The following CMYA5 variants were observed in gnomAD, a reference collection of about 807,000 sequenced individuals.
The protein encoded by CMYA5 is cardiomyopathy-associated protein 5.
In CMYA5, 246 loss-of-function variants were observed where a neutral mutation model predicts 318.9. That is an observed-to-expected ratio of 0.77 (90% CI 0.70 to 0.86). The LOEUF is 0.86. Ranked by LOEUF, CMYA5 falls within the 40% of genes least tolerant of loss-of-function variation. The pLI is 0.00. For missense variants in CMYA5, 4,589 were observed against 4,678.2 expected (o/e 0.98, Z 0.56); for synonymous variants, 1,641 against 1,729.5 (o/e 0.95, Z 1.27).
In CMYA5 at chr5:79,745,131, A is replaced by G. The variant is rs1435734855; in HGVS notation, c.10735-91A>G. On this transcript the variant is annotated intron_variant, in intron 3 of 12. Transcript: ENST00000446378. ...TCTCTGATCAGGATGCCAGAGGTCAATTCTTTAAAAGGCTGGTGTTTCCAA... is the reference window on the plus strand; with the variant it reads ...TCTCTGATCAGGATGCCAGAGGTCAGTTCTTTAAAAGGCTGGTGTTTCCAA... The G allele has an allele frequency of 1.0e-5, 8 of 794,724 alleles. No individual in the cohort carries two copies. In the East Asian group the frequency reaches 1.9e-4, roughly 19 times the overall value. 49.2% of individuals were successfully genotyped at this position (794,724 alleles called of 1,614,324 possible). A position where few individuals can be genotyped will look rare whatever the true frequency, so the allele number is the denominator to read the frequency against.
rs188029902 is a variant in CMYA5, at chr5:79,720,889, G to A, written c.150-8026G>A. 6.2e-3 allele frequency among the ~76,000 whole-genome samples: 950 copies of A among 152,300 alleles called. 3 individuals carry two copies. The highest frequency in any genetic ancestry group is 0.02 in the African/African-American group (848 of 41,536). On this transcript the variant is annotated intron_variant, in intron 1 of 12. Transcript: ENST00000446378. The stretch of plus-strand genomic sequence containing the variant: ...GAAAATGGTTCCAGATGGAATCTTA[G>A]AGATACAGGAAGGAATGAAGCACAA...
chr5:79,735,485 G>C lies in CMYA5; in HGVS notation c.6720G>C (p.Glu2240Asp). The change falls in exon 2 of 13, where the codon GAG becomes GAC. Residue 2240 changes from glutamate to aspartate, a missense_variant. Coordinates refer to ENST00000446378, the MANE Select transcript of CMYA5 (RefSeq NM_153610.5). ...AEKPADHSLS[E>D]VKLKTADEPR... ...AACCAGCTGATCATTCATTATCAGA[G>C]GTAAAACTTAAAACTGCTGATGAAC... is the stretch of plus-strand genomic sequence containing the variant. 6.2e-7 allele frequency: 1 copy of C among 1,613,718 alleles called. No individual in the cohort carries two copies. Among genetic ancestry groups the C allele is most frequent in the South Asian group, 1.1e-5 (1 of 91,058 alleles).
At position 79,699,556 on chromosome 5, in the gene CMYA5, A is replaced by AAGTAG. The variant is rs573007439; in HGVS notation, c.149+9502_149+9506dup. 3.5e-4 allele frequency among the ~76,000 whole-genome samples: 54 copies of AAGTAG among 152,312 alleles called. 1 individual carries two copies. The highest frequency in any genetic ancestry group is 2.1e-4 in the Non-Finnish European group (14 of 68,018). On this transcript the variant is annotated intron_variant, in intron 1 of 12. Coordinates refer to ENST00000446378, the MANE Select transcript of CMYA5 (RefSeq NM_153610.5). Reference sequence around the variant, plus strand: ...TTTCCTGAGAGAAGAGGACACTAGAAAGTAGAAAGAGGGAAGTGGGTGCCT... The same window carrying AAGTAG: ...TTTCCTGAGAGAAGAGGACACTAGAAAGTAGAGTAGAAAGAGGGAAGTGGGTGCCT...
chr5:79,737,650 T>G lies in CMYA5; in HGVS notation c.8885T>G (p.Ile2962Ser). Reference protein sequence around the residue: ...EILNIHAPAFISSIDQEESEQ... With the variant: ...EILNIHAPAFSSSIDQEESEQ... Reference sequence around the variant, plus strand: ...TTGAATATTCATGCTCCGGCCTTTATTTCTTCAATCGATCAGGAAGAAAGT... The same window carrying G: ...TTGAATATTCATGCTCCGGCCTTTAGTTCTTCAATCGATCAGGAAGAAAGT... Residue 2962 changes from isoleucine to serine, a missense_variant, in exon 2 of 13, where the codon ATT becomes AGT. Ile to Ser is a moderately radical substitution (Grantham distance 142, BLOSUM62 -2). Transcript: ENST00000446378. The G allele has an allele frequency of 6.2e-7, 1 of 1,613,644 alleles. No individual in the cohort carries two copies. Among genetic ancestry groups the G allele is most frequent in the Non-Finnish European group, 8.5e-7 (1 of 1,179,782 alleles).
rs751572960 is a variant in CMYA5, at chr5:79,734,133, C to T, written c.5368C>T (p.Leu1790=). 1.1e-5 allele frequency: 18 copies of T among 1,613,584 alleles called. No homozygotes were observed. In the East Asian group the frequency reaches 3.6e-4, roughly 32 times the overall value. ...AQVMGDILDK[L]SEETGHPNSS... is the part of the protein sequence containing the mutation. ...AGTCATGGGAGATATTTTAGATAAG[C>T]TAAGTGAAGAAACAGGCCACCCAAA... The change falls in exon 2 of 13, where the codon CTA becomes TTA. Residue 1790 remains leucine (L), a synonymous_variant. Transcript: ENST00000446378.
intron 1 of CMYA5, among the ~76,000 whole-genome samples, chr5:79,714,719 C>A (rs182148265): frequency 6.6e-6 from 1 of 152,132 alleles, no homozygotes; most frequent in Non-Finnish European, 1.5e-5. Flanking sequence ...GGATTACAGG[C>A]ATGAGTGACC....
chr5:79,743,652 G>A (rs2151090061), intron 2 of CMYA5, among the ~76,000 whole-genome samples, 175 bp from the exon 3 acceptor site: 1 of 152,274 alleles, frequency 6.6e-6, no homozygotes, highest in East Asian at 1.9e-4. Flanking sequence ...TTATCATACA[G>A]AATTATCTAT....
intron 5 of CMYA5, among the ~76,000 whole-genome samples, chr5:79,751,584 T>G (rs13159668): frequency 0.41 from 62,262 of 152,072 alleles, 13,559 homozygotes; most frequent in Admixed American, 0.54. Context: ...TGACCATAAA[T>G]CCACCATCAC....
intron 1 of CMYA5, among the ~76,000 whole-genome samples, chr5:79,693,493 A>T (rs1011119238): frequency 3.9e-5 from 6 of 151,966 alleles, no homozygotes; most frequent in Admixed American, 1.3e-4. Context: ...GGTGTGCATC[A>T]CCAGGCCTGG....
intron 9 of CMYA5, among the ~76,000 whole-genome samples, chr5:79,773,355 T>C (rs1828887980): frequency 6.6e-6 from 1 of 152,204 alleles, no homozygotes; most frequent in Non-Finnish European, 1.5e-5. Context: ...TAAAGAAGAA[T>C]GGATGAATTA....
chr5:79,760,332 G>T (rs978125373), intron 7 of CMYA5, among the ~76,000 whole-genome samples: 1 of 152,090 alleles, frequency 6.6e-6, no homozygotes, highest in African/African-American at 2.4e-5. Context: ...GTTTAGTAGG[G>T]TCTCTAGTCA....
chr5:79,793,366 A>G, intron 11 of CMYA5, 71 bp from the exon 12 acceptor site: 1 of 1,431,498 alleles, frequency 7.0e-7, no homozygotes, highest in South Asian at 1.3e-5. Context: ...TGAGTTTGTG[A>G]ATGTTTATGC....
At chr5:79,739,935 A>G (rs1443380714) in intron 2 of CMYA5, among the ~76,000 whole-genome samples, 1 of 152,110 alleles carries the variant, frequency 6.6e-6, no homozygotes, top group African/African-American at 2.4e-5. Context: ...GTTTGCTGAG[A>G]TCCCGCCACT....
intron 2 of CMYA5, among the ~76,000 whole-genome samples, chr5:79,742,048 C>CTCT (rs200715392): frequency 0.013 from 1,286 of 102,452 alleles, 16 homozygotes; most frequent in African/African-American, 0.017. Flanking sequence ...CCTCTTTCTC[C>CTCT]TCTTCTTCTT....
chr5:79,793,362 T>A, intron 11 of CMYA5, 75 bp from the exon 12 acceptor site: 1 of 1,406,652 alleles, frequency 7.1e-7, no homozygotes, highest in South Asian at 1.3e-5. Flanking sequence ...TGTGTGAGTT[T>A]GTGAATGTTT....
At position 79,790,912 on chromosome 5, in the gene CMYA5, TAGGG is replaced by T. The variant is rs1225568709; in HGVS notation, c.11690-56_11690-53del. On this transcript the variant is annotated intron_variant, in intron 10 of 12. Transcript: ENST00000446378. ...AGGGTCTGAAATGTGGGGCTTAGCC[TAGGG>T]ACAGCACTGGTCCTTGTGGCAATGT... 2.1e-5 allele frequency: 25 copies of T among 1,164,164 alleles called. No individual in the cohort carries two copies. The Admixed American group carries it at 4.7e-4, about 22-fold the overall frequency. The allele number at this position is 1,164,164 out of a possible 1,614,324, so 72.1% of individuals were successfully genotyped here. A position where few individuals can be genotyped will look rare whatever the true frequency, so the allele number is the denominator to read the frequency against.
Position 79,730,811 on chromosome 5 carries a change from C to T in CMYA5, c.2046C>T (p.Asp682=), listed in dbSNP as rs539952978. ...CAGAATACATGGTCCTATCAGGAGA[C>T]GAGGCCTCAGAAAGTGGGTGTTACA... is the stretch of plus-strand genomic sequence containing the variant. ...VTPEYMVLSG[D]EASESGCYTP... is the part of the protein sequence containing the mutation. Residue 682 remains aspartate (D), a synonymous_variant, in exon 2 of 13, where the codon GAC becomes GAT. Coordinates refer to ENST00000446378, the MANE Select transcript of CMYA5 (RefSeq NM_153610.5). 23 of 1,613,754 alleles carry T rather than the reference C, an allele frequency of 1.4e-5. No individual in the cohort carries two copies. The highest frequency in any genetic ancestry group is 3.3e-4 in the Middle Eastern group (2 of 6,060).
At chr5:79,725,833 G>A (rs1827736877) in intron 1 of CMYA5, among the ~76,000 whole-genome samples, 1 of 152,174 alleles carries the variant, frequency 6.6e-6, no homozygotes, top group South Asian at 2.1e-4. Context: ...AAACCCAGGA[G>A]GCAGAGGTTG....
chr5:79,742,250 C>T (rs968792726), intron 2 of CMYA5, among the ~76,000 whole-genome samples: 2 of 150,872 alleles, frequency 1.3e-5, no homozygotes, highest in African/African-American at 2.4e-5. Context: ...AGTGCAGCGG[C>T]GTGATCATCA....
Sources: allele counts gnomAD v4.1 joint callset (sites outside exome capture counted in the v4.1 genomes callset), GRCh38; gene constraint gnomAD v4.1.1; transcripts MANE v1.5; gene names NCBI Gene and HGNC (gene_info 2026-07-23, HGNC 2026-07-21).